The following PARD6G variants were observed in gnomAD, a reference collection of about 807,000 sequenced individuals.
PARD6G encodes the protein par-6 family cell polarity regulator gamma, also known as partitioning defective 6 homolog gamma.
A neutral mutation model predicts 10.7 loss-of-function variants in PARD6G; 7 were observed. The ratio of observed to expected loss-of-function variants is 0.66; its 90% CI spans 0.37 to 1.23. The LOEUF is 1.23. Ranked by LOEUF, PARD6G falls within the 50% of genes most tolerant of loss-of-function variation. The pLI is 0.02. For synonymous variants in PARD6G, 287 were observed against 269.4 expected, an observed-to-expected ratio of 1.07 and a Z score of -0.64; for missense variants, 548 against 571.8, an observed-to-expected ratio of 0.96 and a Z score of 0.42.
intron 1 of PARD6G, among the ~76,000 whole-genome samples, chr18:80,215,487 A>G (rs935903553): frequency 6.6e-6 from 1 of 152,188 alleles, no homozygotes; most frequent in East Asian, 1.9e-4. Flanking sequence ...TGACAATACC[A>G]CAAATAATAG....
chr18:80,213,965 T>C (rs1452710658), intron 1 of PARD6G, among the ~76,000 whole-genome samples: 1 of 122,220 alleles, frequency 8.2e-6, no homozygotes, highest in African/African-American at 3.2e-5. Flanking sequence ...AAAAAAAAAG[T>C]TCAGTTTTGA....
At chr18:80,169,610 C>T (rs1298651336) in intron 2 of PARD6G, 2 of 152,348 alleles carry the variant, frequency 1.3e-5, no homozygotes, top group Non-Finnish European at 2.9e-5. Context: ...AGTTTCCTGG[C>T]TCACAGTGTT....
intron 1 of PARD6G, among the ~76,000 whole-genome samples, chr18:80,226,446 C>T (rs113140374): frequency 0.024 from 3,679 of 152,238 alleles, 134 homozygotes; most frequent in African/African-American, 0.084. Context: ...GCTGGGATTA[C>T]AGGCTTGAGA....
intron 1 of PARD6G, among the ~76,000 whole-genome samples, chr18:80,244,410 A>G (rs1967520925): frequency 6.6e-6 from 1 of 152,142 alleles, no homozygotes; most frequent in African/African-American, 2.4e-5. Context: ...CAAGATCAAG[A>G]CCATATGGCC....
At position 80,164,255 on chromosome 18, in the gene PARD6G, G is replaced by A. The variant is rs114354191; in HGVS notation, c.296-3649C>T. On this transcript the variant is annotated intron_variant, in intron 2 of 2. Coordinates refer to ENST00000353265, the MANE Select transcript of PARD6G (RefSeq NM_032510.4). ...CCTGGCCTTTGTATTTTGTCCATGG[G>A]CCCCACAGTCTTGAGTGGGCCTCTC... 2.6e-3 allele frequency among the ~76,000 whole-genome samples: 391 copies of A among 152,192 alleles called. 1 individual carries two copies. The highest frequency in any genetic ancestry group is 9.1e-3 in the African/African-American group (379 of 41,508).
chr18:80,177,245 C>CACAG (rs1260461659), intron 2 of PARD6G, among the ~76,000 whole-genome samples: 2 of 147,826 alleles, frequency 1.4e-5, no homozygotes, highest in African/African-American at 5.0e-5. Context: ...CACACACACA[C>CACAG]AGTACAAATC....
At chr18:80,195,598 T>C (rs950314517) in intron 2 of PARD6G, among the ~76,000 whole-genome samples, 1 of 136,432 alleles carries the variant, frequency 7.3e-6, no homozygotes, top group Non-Finnish European at 1.6e-5. Flanking sequence ...TCTTTTTTTT[T>C]CTGACCAGGT....
At chr18:80,212,655 G>C (rs1168577507) in intron 1 of PARD6G, among the ~76,000 whole-genome samples, 2 of 152,040 alleles carry the variant, frequency 1.3e-5, no homozygotes, top group Non-Finnish European at 2.9e-5. Flanking sequence ...GGAGGCCAAG[G>C]CGGGCGGATG....
chr18:80,164,089 A>G (rs1224576486), intron 2 of PARD6G, among the ~76,000 whole-genome samples: 1 of 152,210 alleles, frequency 6.6e-6, no homozygotes, highest in African/African-American at 2.4e-5. Context: ...GCAGCCTAAA[A>G]GGACGGAACA....
intron 1 of PARD6G, among the ~76,000 whole-genome samples, chr18:80,245,621 G>T (rs768546009): frequency 4.6e-5 from 7 of 152,044 alleles, no homozygotes; most frequent in Non-Finnish European, 1.0e-4. Flanking sequence ...TTCTCTCACA[G>T]CTACTTGTGA....
At chr18:80,238,594 G>GT (rs755785203) in intron 1 of PARD6G, among the ~76,000 whole-genome samples, 2 of 152,032 alleles carry the variant, frequency 1.3e-5, no homozygotes, top group African/African-American at 2.4e-5. Flanking sequence ...TACCTCGGGG[G>GT]TAGGTACTCA....
chr18:80,167,919 T>C (rs867791823), intron 2 of PARD6G, among the ~76,000 whole-genome samples: 1 of 152,082 alleles, frequency 6.6e-6, no homozygotes, highest in South Asian at 2.1e-4. Context: ...TGTCTACCAC[T>C]GTCAAATGGC....
In PARD6G at chr18:80,168,522, A is replaced by T. The variant is rs549413071; in HGVS notation, c.296-7916T>A. 5.9e-5 allele frequency among the ~76,000 whole-genome samples: 9 copies of T among 151,890 alleles called. No individual in the cohort carries two copies. In the East Asian group the frequency reaches 9.7e-4, roughly 16 times the overall value. ...ATTCAAGGAGTCACATTTTTTAGGC[A>T]ACTGTCTAACCACCCTCTCTCCCCA... is the stretch of plus-strand genomic sequence containing the variant. On this transcript the variant is annotated intron_variant, in intron 2 of 2. Transcript: ENST00000353265.
At chr18:80,222,077 A>T (rs947679010) in intron 1 of PARD6G, among the ~76,000 whole-genome samples, 1 of 151,888 alleles carries the variant, frequency 6.6e-6, no homozygotes, top group African/African-American at 2.4e-5. Context: ...TAGAAAACTT[A>T]ATTTTTTTCT....
At chr18:80,179,048 C>A (rs116083987) in intron 2 of PARD6G, among the ~76,000 whole-genome samples, 224 of 152,094 alleles carry the variant, frequency 1.5e-3, no homozygotes, top group African/African-American at 5.3e-3. Context: ...ATATTTTTTC[C>A]GAGGCCACGA....
chr18:80,215,475 G>A (rs990826445), intron 1 of PARD6G, among the ~76,000 whole-genome samples: 6 of 151,808 alleles, frequency 4.0e-5, no homozygotes, highest in Non-Finnish European at 7.4e-5. Context: ...TAATTTGTAT[G>A]ATGACAATAC....
rs893822524 is a variant in PARD6G, at chr18:80,160,470, T to C, written c.432A>G (p.Ser144=). 2 of 1,568,994 alleles carry C rather than the reference T, an allele frequency of 1.3e-6. No individual in the cohort carries two copies. Among genetic ancestry groups the C allele is most frequent in the African/African-American group, 2.7e-5 (2 of 74,194 alleles). Residue 144 remains serine (S), a synonymous_variant, in exon 3 of 3, where the codon TCA becomes TCG. Transcript: ENST00000353265. ...GGACCAGGTCCACATCGATGATGGA[T>C]GATACGGGGCGGAAGTCGCGCGGGA... ...IGLPRDFRPV[S]SIIDVDLVPE...
intron 1 of PARD6G, among the ~76,000 whole-genome samples, chr18:80,216,984 C>T (rs1376363423): frequency 6.6e-6 from 1 of 151,994 alleles, no homozygotes; most frequent in Non-Finnish European, 1.5e-5. Context: ...AATGATCACA[C>T]CTAGCATGCA....
chr18:80,218,715 T>C (rs1967197179), intron 1 of PARD6G, among the ~76,000 whole-genome samples: 1 of 152,232 alleles, frequency 6.6e-6, no homozygotes, highest in Non-Finnish European at 1.5e-5. Flanking sequence ...GGCTGTGATC[T>C]CACATTTCCC....
Sources: allele counts gnomAD v4.1 joint callset (sites outside exome capture counted in the v4.1 genomes callset), GRCh38; gene constraint gnomAD v4.1.1; transcripts MANE v1.5; gene names NCBI Gene and HGNC (gene_info 2026-07-23, HGNC 2026-07-21).